TTN: variants seen among roughly 807,000 people sequenced by gnomAD.
TTN encodes the protein connectin.
A neutral mutation model predicts 3,223.0 loss-of-function variants in TTN; 1,525 were observed. The ratio of observed to expected loss-of-function variants is 0.47; its 90% CI spans 0.45 to 0.49. TTN has a LOEUF of 0.49. Among genes scored for constraint, TTN ranks in the 20% least tolerant of loss-of-function variants. The pLI, the probability that TTN is intolerant of heterozygous loss-of-function variation, is 0.00. For missense variants in TTN, 40,786 were observed against 43,424.0 expected, an observed-to-expected ratio of 0.94 and a Z score of 5.40; for synonymous variants, 14,094 against 15,161.0, an observed-to-expected ratio of 0.93 and a Z score of 5.17.
rs1336331330 is a variant in TTN at position 178,684,606 on chromosome 2, CAGAG to C, written c.32638+56_32638+59del. 2.9e-5 allele frequency: 44 copies of C among 1,534,400 alleles called. No individual in the cohort carries two copies. In the East Asian group the frequency reaches 9.9e-4, roughly 34 times the overall value. On this transcript the variant is annotated intron_variant, in intron 131 of 362. Coordinates refer to ENST00000589042, the MANE Select transcript of TTN (RefSeq NM_001267550.2). ...AACAGTATGACCCAAAGAACAGCAG[CAGAG>C]AGAAAGAAAGACAAGCCATATGTTC...
At chr2:178,604,639 T>C in intron 281 of TTN, 69 bp downstream of exon 281, 1 of 1,445,946 alleles carries the variant, frequency 6.9e-7, no homozygotes, top group Non-Finnish European at 9.3e-7. Context: ...TCCAAGGTTA[T>C]ATTAAAATGG....
In TTN at chr2:178,650,798, T is replaced by C; in HGVS notation, c.39662A>G (p.Lys13221Arg). ...EVPKKPVLEE[K>R]PAVPVPERAE... ...TCTTTCTGGAACAGGAACAGCTGGTTTCTCTTCCAAGACAGGTTTCTTTGG... is the reference window on the plus strand; with the variant it reads ...TCTTTCTGGAACAGGAACAGCTGGTCTCTCTTCCAAGACAGGTTTCTTTGG... Residue 13221 changes from lysine to arginine, a missense_variant, in exon 209 of 363, where the codon AAA (lysine) becomes AGA (arginine). Coordinates refer to ENST00000589042, the MANE Select transcript of TTN (RefSeq NM_001267550.2). 6.2e-7 allele frequency: 1 copy of C among 1,607,936 alleles called. No homozygotes were observed. The highest frequency in any genetic ancestry group is 8.5e-7 in the Non-Finnish European group (1 of 1,177,106).
chr2:178,634,502 C>G lies in TTN; in HGVS notation c.42279G>C (p.Lys14093Asn). The change falls in exon 230 of 363, where the codon AAG becomes AAC. Residue 14093 changes from lysine (K) to asparagine (N), a missense_variant. By Grantham distance (94) the Lys-to-Asn change is moderately conservative (BLOSUM62 0). Transcript: ENST00000589042. The surrounding 1 kb of genome is among the most constrained non-coding windows in gnomAD (Gnocchi z 4.6). The stretch of plus-strand genomic sequence containing the variant: ...CGATGATATCAAATTTGTCAGATGA[C>G]TTAATTATATCAGGTCCTTTGGACC... Reference protein sequence around the residue: ...VIWSKGPDIIKSSDKFDIIAD... With the variant: ...VIWSKGPDIINSSDKFDIIAD... 1 of 1,613,228 alleles carries G rather than the reference C, an allele frequency of 6.2e-7. No homozygotes were observed. Among genetic ancestry groups the G allele is most frequent in the Non-Finnish European group, 8.5e-7 (1 of 1,179,506 alleles).
At chr2:178,683,703 C>T (rs2070033426) in intron 133 of TTN, among the ~76,000 whole-genome samples, 1 of 151,868 alleles carries the variant, frequency 6.6e-6, no homozygotes, top group African/African-American at 2.4e-5. Context: ...TCAGAGATTG[C>T]CACATAAAGC....
Position 178,786,743 on chromosome 2 carries a change from TA to T in TTN, c.2077-603del, listed in dbSNP as rs563060137. ...TTAATCTATCAGAAAATACCTTTCT[TA>T]AAACACACAGATGACAAAGAGAACC... On this transcript the variant is annotated intron_variant, in intron 13 of 362. Coordinates refer to ENST00000589042, the MANE Select transcript of TTN (RefSeq NM_001267550.2). Among the ~76,000 whole-genome samples, 861 of 152,270 alleles carry T rather than the reference TA, an allele frequency of 5.7e-3. 13 individuals carry two copies. The highest frequency in any genetic ancestry group is 0.02 in the African/African-American group (833 of 41,564).
At chr2:178,687,239 T>A (rs1428132772) in intron 127 of TTN, among the ~76,000 whole-genome samples, 1 of 152,238 alleles carries the variant, frequency 6.6e-6, no homozygotes, top group African/African-American at 2.4e-5. Flanking sequence ...AGGAGCTTAT[T>A]GATTTCTCTT....
In TTN at chr2:178,551,958, G is replaced by C. The variant is rs927742381; in HGVS notation, c.90942C>G (p.Ser30314Arg). 6.2e-7 allele frequency: 1 copy of C among 1,612,234 alleles called. No individual in the cohort carries two copies. The highest frequency in any genetic ancestry group is 8.5e-7 in the Non-Finnish European group (1 of 1,178,564). Residue 30314 changes from serine to arginine, a missense_variant, in exon 335 of 363, where the codon AGC (serine) becomes AGG (arginine). Ser to Arg is a moderately radical substitution (Grantham distance 110). Transcript: ENST00000589042. ...TGAACTGGTGTTTTGCCACAATAAT[G>C]CTTGAGACAAGTGGTTGGCTGACTC... Reference protein sequence around the residue: ...RYGVSQPLVSSIIVAKHQFRI... With the variant: ...RYGVSQPLVSRIIVAKHQFRI...
Position 178,584,444 on chromosome 2 carries a change from T to C in TTN, c.65107A>G (p.Ser21703Gly), listed in dbSNP as rs938258873. 2 of 1,613,226 alleles carry C rather than the reference T, an allele frequency of 1.2e-6. No homozygotes were observed. The highest frequency in any genetic ancestry group is 2.7e-5 in the African/African-American group (2 of 74,866). Reference sequence around the variant, plus strand: ...TCATTGGCTTTCACCCACAGCAAACTGTTTCTTTCCTTGCGTTCAATCAGA... The same window carrying C: ...TCATTGGCTTTCACCCACAGCAAACCGTTTCTTTCCTTGCGTTCAATCAGA... ...GYLIERKERNSLLWVKANDTL... is the reference protein window; with the variant it reads ...GYLIERKERNGLLWVKANDTL... The change falls in exon 311 of 363, where the codon AGT becomes GGT. Residue 21703 changes from serine (S) to glycine (G), a missense_variant. Transcript: ENST00000589042.
At chr2:178,774,793 G>T in intron 29 of TTN, 128 bp downstream of exon 29, 3 of 1,080,002 alleles carry the variant, frequency 2.8e-6, no homozygotes, top group Non-Finnish European at 4.0e-6. Context: ...TATGATTCTG[G>T]CTATGAAACT....
Position 178,681,131 on chromosome 2 carries a change from A to G in TTN, c.33288T>C (p.Arg11096=), listed in dbSNP as rs780229964. ...CTTTTTCACGTTTGGTAATTGAAAT[A>G]CGTATTTTTTCCTCAAAAACTTTCT... is the stretch of plus-strand genomic sequence containing the variant. ...EPKKVFEEKI[R]ISITKREKEQ... Residue 11096 remains arginine (R), a synonymous_variant, in exon 138 of 363, where the codon CGT becomes CGC. Transcript: ENST00000589042. 1 of 1,605,476 alleles carries G rather than the reference A, an allele frequency of 6.2e-7. No homozygotes were observed. The highest frequency in any genetic ancestry group is 1.7e-5 in the Admixed American group (1 of 58,134).
chr2:178,577,231 A>T lies in TTN; in HGVS notation c.69104T>A (p.Val23035Glu), dbSNP rs1466022888. ...GGGACCAGGTACATCAAGGACTGTT[A>T]CCTTCACATGTTCCACCTTCGTGCC... ...PFGTKVEHVK[V>E]TVLDVPGPPG... Residue 23035 changes from valine to glutamate, a missense_variant, in exon 324 of 363, where the codon GTA (valine) becomes GAA (glutamate). Transcript: ENST00000589042. 2 of 1,613,016 alleles carry T rather than the reference A, an allele frequency of 1.2e-6. No individual in the cohort carries two copies. Among genetic ancestry groups the T allele is most frequent in the Admixed American group, 1.7e-5 (1 of 59,918 alleles).
At chr2:178,544,748 G>T (rs1418280279) in intron 344 of TTN, among the ~76,000 whole-genome samples, 1 of 152,012 alleles carries the variant, frequency 6.6e-6, no homozygotes. Context: ...TACTTCTTTG[G>T]CCAGCTTTAC....
chr2:178,617,733 A>G, intron 253 of TTN, 46 bp downstream of exon 253: 1 of 1,596,868 alleles, frequency 6.3e-7, no homozygotes, highest in Non-Finnish European at 8.6e-7. Context: ...TAGGCCTAAT[A>G]TCTGGATTTC....
At chr2:178,580,649 T>C (rs759068864) in intron 316 of TTN, 40 bp from the exon 317 acceptor site, 2 of 1,556,360 alleles carry the variant, frequency 1.3e-6, no homozygotes, top group Non-Finnish European at 1.7e-6. Context: ...AAAAATTTAA[T>C]AGTCAAATGT....
rs11892987 is a variant in TTN at position 178,603,578 on chromosome 2, A to C, written c.54811+298T>G. The stretch of plus-strand genomic sequence containing the variant: ...GAGATAGAAATTTATTTAAAGTATC[A>C]GAAGACATAGGAGTTTATAGTCCAG... On this transcript the variant is annotated intron_variant, in intron 282 of 362. Transcript: ENST00000589042. Among the ~76,000 whole-genome samples the C allele has an allele frequency of 0.014, 2,148 of 152,080 alleles. 47 individuals are homozygous for C. The highest frequency in any genetic ancestry group is 0.049 in the African/African-American group (2,052 of 41,528).
rs1690204801 is a variant in TTN, at chr2:178,533,744, A to C, written c.102871T>G (p.Trp34291Gly). Reference protein sequence around the residue: ...ITVHPEPHVTWYKSGQKIKPG... With the variant: ...ITVHPEPHVTGYKSGQKIKPG... ...TTGATTTTCTGACCTGATTTATACC[A>C]TGTTACATGAGGCTCTGGGTGGACA... Residue 34291 changes from tryptophan (W) to glycine (G), a missense_variant, in exon 358 of 363, where the codon TGG becomes GGG. Physicochemically the swap from Trp to Gly is radical, Grantham distance 184. Transcript: ENST00000589042. 2 of 1,613,928 alleles carry C rather than the reference A, an allele frequency of 1.2e-6. No homozygotes were observed. Among genetic ancestry groups the C allele is most frequent in the East Asian group, 4.5e-5 (2 of 44,876 alleles).
At chr2:178,805,287 T>A (rs1212600815) in intron 1 of TTN, among the ~76,000 whole-genome samples, 1 of 139,358 alleles carries the variant, frequency 7.2e-6, no homozygotes, top group East Asian at 2.1e-4. Context: ...GAGGTTGCAG[T>A]GAGCAAAGAT....
intron 24 of TTN, 178 bp from the exon 25 acceptor site, chr2:178,778,153 T>C: frequency 1.2e-6 from 1 of 821,282 alleles, no homozygotes; most frequent in Middle Eastern, 3.7e-4. Context: ...CCCCCACAAC[T>C]ATGTTTTTCC....
intron 282 of TTN, 56 bp from the exon 283 acceptor site, chr2:178,602,646 G>A: frequency 3.6e-6 from 5 of 1,378,688 alleles, no homozygotes; most frequent in Non-Finnish European, 4.8e-6. Context: ...ATGAAGTGCT[G>A]GAGTCTTTTA....
Sources: gnomAD v4.1 joint callset for allele counts (sites outside exome capture counted in the v4.1 genomes callset) on GRCh38, gnomAD v4.1.1 for gene constraint, Gnocchi (gnomAD v3.1) non-coding constraint, MANE v1.5 for transcripts, NCBI Gene and HGNC (gene_info 2026-07-23, HGNC 2026-07-21) for gene names.